KIF4A: variants seen among roughly 807,000 people sequenced by gnomAD.
The protein encoded by KIF4A is kinesin family member 4A, also known as chromosome-associated kinesin KIF4A.
Under a neutral mutation model 105.9 loss-of-function variants are expected in KIF4A, and 7 were observed. The observed-to-expected ratio is 0.07, with a 90% confidence interval of 0.04 to 0.12. KIF4A has a LOEUF of 0.12. KIF4A is among the 10% of genes least tolerant of loss of function. The pLI, the probability that KIF4A is intolerant of heterozygous loss-of-function variation, is 1.00. For missense variants in KIF4A, 558 were observed against 929.2 expected (o/e 0.60, Z 5.19); for synonymous variants, 281 against 331.3 (o/e 0.85, Z 1.65).
rs538220257 is a variant in KIF4A, at chrX:70,412,857, T to C, written c.3256-5031T>C. 1.4e-3 allele frequency among the ~76,000 whole-genome samples: 155 copies of C among 109,221 alleles called. 2 individuals carry two copies. The South Asian group carries it at 0.06, about 42-fold the overall frequency. The allele number at this position is 109,221 out of a possible 115,157, so 94.8% of individuals were successfully genotyped here. A position where few individuals can be genotyped will look rare whatever the true frequency, so the allele number is the denominator to read the frequency against. On this transcript the variant is annotated intron_variant, in intron 28 of 30. Coordinates refer to ENST00000374403, the MANE Select transcript of KIF4A (RefSeq NM_012310.5). ...CACAGGATCACTTGAGCCCTGGAGG[T>C]TGAGGCTGCAGTGAGCTCTGATCAT... is the stretch of plus-strand genomic sequence containing the variant.
chrX:70,303,721 C>T (rs756659251), intron 7 of KIF4A, among the ~76,000 whole-genome samples: 11 of 110,410 alleles, frequency 1.0e-4, no homozygotes, highest in African/African-American at 2.0e-4. Context: ...ATATAATTTA[C>T]GTACTATAAC....
chrX:70,339,356 A>G (rs976404508), intron 10 of KIF4A, among the ~76,000 whole-genome samples: 1 of 111,219 alleles, frequency 9.0e-6, no homozygotes, highest in Non-Finnish European at 1.9e-5. Context: ...TTTCTTCCTA[A>G]TTTTCCCCCT....
At chrX:70,384,135 G>A (rs755431675) in intron 18 of KIF4A, among the ~76,000 whole-genome samples, 43 of 111,815 alleles carry the variant, frequency 3.8e-4, no homozygotes, top group Non-Finnish European at 7.3e-4. Context: ...CATTCTACAG[G>A]AATATATATT....
chrX:70,299,040 C>T (rs1602738199), intron 4 of KIF4A, 73 bp from the exon 5 acceptor site: 1 of 751,431 alleles, frequency 1.3e-6, no homozygotes, highest in Non-Finnish European at 1.9e-6. Context: ...TTAAAAATTA[C>T]CTATGATCTC....
At chrX:70,404,843 C>T (rs1477563848) in intron 25 of KIF4A, 21 bp downstream of exon 25, 1 of 1,042,543 alleles carries the variant, frequency 9.6e-7, no homozygotes, top group Non-Finnish European at 1.3e-6. Flanking sequence ...GAGAGGTCTC[C>T]AGAGATGAGT....
intron 20 of KIF4A, among the ~76,000 whole-genome samples, chrX:70,393,794 CTTTTCTCTTTCTT>C (rs2086246514): frequency 2.5e-5 from 2 of 79,860 alleles, no homozygotes; most frequent in Non-Finnish European, 2.5e-5. Flanking sequence ...CTTTTCTTTT[CTTTTCTCTTTCTT>C]TCTTTCTTTC....
rs142252636 is a variant in KIF4A at position 70,306,061 on chromosome X, T to C, written c.778+3663T>C. Reference sequence around the variant, plus strand: ...CATATCACATTTAGGCTTTGACCCATTTTGAGTTAATTTTTGCATATGATG... The same window carrying C: ...CATATCACATTTAGGCTTTGACCCACTTTGAGTTAATTTTTGCATATGATG... On this transcript the variant is annotated intron_variant, in intron 7 of 30. Transcript: ENST00000374403. Among the ~76,000 whole-genome samples the C allele has an allele frequency of 2.1e-4, 23 of 112,003 alleles. No homozygotes were observed. In the East Asian group the frequency reaches 5.6e-3, roughly 27 times the overall value.
chrX:70,369,037 A>T (rs1422842802), intron 15 of KIF4A, among the ~76,000 whole-genome samples: 1 of 112,122 alleles, frequency 8.9e-6, no homozygotes, highest in African/African-American at 3.2e-5. Context: ...TGGGTGTAGG[A>T]CCCTCTGAGC....
intron 15 of KIF4A, among the ~76,000 whole-genome samples, chrX:70,367,908 CT>C (rs1471907794): frequency 5.4e-5 from 6 of 112,027 alleles, no homozygotes; most frequent in Non-Finnish European, 1.1e-4. Flanking sequence ...TAGATTTGGT[CT>C]TTTCACATAG....
intron 3 of KIF4A, among the ~76,000 whole-genome samples, chrX:70,293,812 G>A (rs896022745): frequency 1.8e-5 from 2 of 112,315 alleles, no homozygotes; most frequent in Non-Finnish European, 3.8e-5. Flanking sequence ...AGGACTGGAA[G>A]TTGCTCTGAG....
chrX:70,343,993 T>C lies in KIF4A; in HGVS notation c.1431+11T>C. The C allele has an allele frequency of 3.6e-6, 4 of 1,119,591 alleles. No individual in the cohort carries two copies. The highest frequency in any genetic ancestry group is 4.9e-6 in the Non-Finnish European group (4 of 812,980). 92.3% of individuals were successfully genotyped at this position (1,119,591 alleles called of 1,213,427 possible). A position where few individuals can be genotyped will look rare whatever the true frequency, so the allele number is the denominator to read the frequency against. ...ATTACCCAGTTATCGGTAAGCCAAG[T>C]AGGGGCAGTGTAAATAGGCATATCA... On this transcript the variant is annotated intron_variant, in intron 13 of 30. Transcript: ENST00000374403.
intron 10 of KIF4A, among the ~76,000 whole-genome samples, chrX:70,336,140 A>C (rs892307657): frequency 1.8e-5 from 2 of 111,781 alleles, no homozygotes; most frequent in African/African-American, 6.5e-5. Context: ...TGCTTTGTTC[A>C]GTATTTCCTG....
At chrX:70,311,124 TAA>T (rs758864494) in intron 7 of KIF4A, among the ~76,000 whole-genome samples, 4 of 97,360 alleles carry the variant, frequency 4.1e-5, no homozygotes, top group South Asian at 9.1e-4. Flanking sequence ...GACCCTGTCC[TAA>T]AAAAAAAAAA....
At chrX:70,367,147 T>A (rs1431650900) in intron 15 of KIF4A, among the ~76,000 whole-genome samples, 6 of 111,781 alleles carry the variant, frequency 5.4e-5, no homozygotes, top group Admixed American at 9.6e-5. Context: ...TGTGTGTCTC[T>A]GCACGTGAGA....
At chrX:70,396,411 GAAA>G (rs1178030169) in intron 22 of KIF4A, 102 of 122,810 alleles carry the variant, frequency 8.3e-4, no homozygotes, top group Admixed American at 7.8e-3. Flanking sequence ...TTTTTAAAAG[GAAA>G]TTCAGCAATC....
At chrX:70,290,856 A>T (rs1365770573) in intron 3 of KIF4A, 51 bp downstream of exon 3, 1 of 865,176 alleles carries the variant, frequency 1.2e-6, no homozygotes, top group Non-Finnish European at 1.7e-6. Context: ...TTGAGCATAT[A>T]CTATGTGCCA....
At chrX:70,388,757 T>A (rs150800141) in intron 20 of KIF4A, among the ~76,000 whole-genome samples, 197 of 112,420 alleles carry the variant, frequency 1.8e-3, no homozygotes, top group Middle Eastern at 0.014. Context: ...CTTTTTCTTA[T>A]TATTGAATTA....
chrX:70,299,153 G>A lies in KIF4A; in HGVS notation c.467G>A (p.Arg156His), dbSNP rs779535123. Residue 156 changes from arginine (R) to histidine (H), a missense_variant, in exon 5 of 31, where the codon CGT (arginine) becomes CAT (histidine). Physicochemically the swap from Arg to His is conservative, Grantham distance 29 (BLOSUM62 0). Around this residue, in one of 2 missense-constraint regions of KIF4A, gnomAD observed 89 missense variants for 248.8 expected, o/e 0.36. Coordinates refer to ENST00000374403, the MANE Select transcript of KIF4A (RefSeq NM_012310.5). ...ATTTTGGATCTTCTATGCCCATCTC[G>A]TGAGAAAGCTCAAATAAATATACGA... ...EEILDLLCPS[R>H]EKAQINIRED... is the part of the protein sequence containing the mutation. 1.2e-5 allele frequency: 14 copies of A among 1,206,827 alleles called. No individual in the cohort carries two copies. The highest frequency in any genetic ancestry group is 1.8e-5 in the South Asian group (1 of 56,014).
At chrX:70,330,462 C>A (rs1295868147) in intron 9 of KIF4A, 130 bp downstream of exon 9, 14 of 589,697 alleles carry the variant, frequency 2.4e-5, no homozygotes, top group Admixed American at 3.6e-5. Context: ...GTTCGGGGAC[C>A]TCTTAAAATA....
Sources: gnomAD v4.1 joint callset for allele counts (sites outside exome capture counted in the v4.1 genomes callset) on GRCh38, gnomAD v4.1.1 for gene constraint, gnomAD v4.1.1 regional missense constraint, MANE v1.5 for transcripts, NCBI Gene and HGNC (gene_info 2026-07-23, HGNC 2026-07-21) for gene names.